The following CENPP variants were observed in gnomAD, a reference collection of about 807,000 sequenced individuals.
The protein encoded by CENPP is centromere protein P.
In CENPP, 24 loss-of-function variants were observed where a neutral mutation model predicts 35.6. The ratio of observed to expected loss-of-function variants is 0.67; its 90% confidence interval spans 0.49 to 0.95. CENPP has a LOEUF of 0.95. Among genes scored for constraint, CENPP ranks in the 40% least tolerant of loss-of-function variants. CENPP has a pLI of 0.00. For missense variants in CENPP, 332 were observed against 345.3 expected (o/e 0.96, Z 0.31); for synonymous variants, 120 against 125.5 (o/e 0.96, Z 0.29).
Position 92,613,394 on chromosome 9 carries a change from A to C in CENPP, c.*245A>C. 1 of 422,710 alleles carries C rather than the reference A, an allele frequency of 2.4e-6. No homozygotes were observed. Among genetic ancestry groups the C allele is most frequent in the South Asian group, 2.3e-5 (1 of 43,710 alleles). 26.2% of individuals were successfully genotyped at this position (422,710 alleles called of 1,614,324 possible). ...ATAAAAATAAGCTTAACATCTGAGA[A>C]AATGTACCAAGTGGTTGTGTGTCCT... On this transcript the variant is annotated 3_prime_UTR_variant, in exon 8 of 8. Coordinates refer to ENST00000375587, the MANE Select transcript of CENPP (RefSeq NM_001012267.3).
At chr9:92,599,379 T>C (rs536731505) in intron 5 of CENPP, among the ~76,000 whole-genome samples, 7 of 152,170 alleles carry the variant, frequency 4.6e-5, no homozygotes, top group East Asian at 1.9e-4. Flanking sequence ...ACGGGAGGGA[T>C]TGTGTGGTCA....
chr9:92,442,700 T>G (rs1269640478), intron 5 of CENPP, among the ~76,000 whole-genome samples: 1 of 151,458 alleles, frequency 6.6e-6, no homozygotes, highest in Non-Finnish European at 1.5e-5. Flanking sequence ...CAAAAAAAAA[T>G]TAGCCAGGCG....
chr9:92,536,780 A>G (rs1213316488), intron 5 of CENPP: 2 of 152,182 alleles, frequency 1.3e-5, no homozygotes, highest in African/African-American at 4.8e-5. Context: ...ATACCTTTCA[A>G]ATTTTTCTGA....
At chr9:92,524,382 A>T (rs986445771) in intron 5 of CENPP, among the ~76,000 whole-genome samples, 2 of 152,226 alleles carry the variant, frequency 1.3e-5, no homozygotes, top group Non-Finnish European at 2.9e-5. Flanking sequence ...TAGTAGCATT[A>T]TGGTCAGACA....
intron 5 of CENPP, among the ~76,000 whole-genome samples, chr9:92,511,194 C>T (rs575705462): frequency 2.6e-5 from 4 of 152,220 alleles, no homozygotes; most frequent in African/African-American, 9.6e-5. Flanking sequence ...GGCGCGATCT[C>T]GGCTCACTGC....
intron 5 of CENPP, among the ~76,000 whole-genome samples, chr9:92,461,704 A>T (rs1195120558): frequency 1.3e-5 from 2 of 152,140 alleles, no homozygotes; most frequent in South Asian, 2.1e-4. Flanking sequence ...TGTCATTAGG[A>T]ATTGGAAAAT....
intron 5 of CENPP, among the ~76,000 whole-genome samples, chr9:92,588,237 G>A (rs1418837168): frequency 6.6e-6 from 1 of 150,562 alleles, no homozygotes; most frequent in Non-Finnish European, 1.5e-5. Context: ...TGAGTTTTTT[G>A]TTTGTTTGTT....
chr9:92,498,993 G>A (rs889093997), intron 5 of CENPP, among the ~76,000 whole-genome samples: 19 of 152,162 alleles, frequency 1.2e-4, no homozygotes, highest in African/African-American at 3.9e-4. Context: ...AAAGGACCAC[G>A]TCTCGTTCCC....
At chr9:92,370,981 G>A (rs1249883009) in intron 4 of CENPP, among the ~76,000 whole-genome samples, 1 of 151,360 alleles carries the variant, frequency 6.6e-6, no homozygotes, top group African/African-American at 2.4e-5. Flanking sequence ...AAATTGTTTG[G>A]GTCTTCTCTT....
At chr9:92,487,284 C>G (rs1025959984) in intron 5 of CENPP, among the ~76,000 whole-genome samples, 5 of 152,166 alleles carry the variant, frequency 3.3e-5, no homozygotes, top group Non-Finnish European at 7.3e-5. Flanking sequence ...TGGCCCACAA[C>G]AGGTCTGGGC....
chr9:92,375,712 T>C (rs1403209742), intron 4 of CENPP, among the ~76,000 whole-genome samples: 1 of 152,200 alleles, frequency 6.6e-6, no homozygotes, highest in East Asian at 1.9e-4. Context: ...AAAAAATTTC[T>C]CTCTTTATTG....
At chr9:92,576,175 A>T (rs1850278081) in intron 5 of CENPP, among the ~76,000 whole-genome samples, 1 of 152,248 alleles carries the variant, frequency 6.6e-6, no homozygotes, top group Admixed American at 6.5e-5. Flanking sequence ...CAGCTTAAAA[A>T]GGAAGGAAAT....
chr9:92,458,231 GC>G (rs1342966593), intron 5 of CENPP, among the ~76,000 whole-genome samples: 2 of 152,160 alleles, frequency 1.3e-5, no homozygotes, highest in African/African-American at 4.8e-5. Context: ...CCCTTTAACA[GC>G]CCTTCTAATT....
chr9:92,326,617 C>T (rs948916447), intron 1 of CENPP, among the ~76,000 whole-genome samples: 3 of 152,152 alleles, frequency 2.0e-5, no homozygotes, highest in Non-Finnish European at 4.4e-5. Flanking sequence ...CTACTGTTAG[C>T]CCTGTTTTAT....
chr9:92,365,118 A>G (rs962098670), intron 4 of CENPP, among the ~76,000 whole-genome samples: 4 of 152,182 alleles, frequency 2.6e-5, no homozygotes, highest in African/African-American at 9.7e-5. Flanking sequence ...AACTCAAGAG[A>G]TTTATTTTCT....
intron 5 of CENPP, among the ~76,000 whole-genome samples, chr9:92,421,416 G>C (rs1352912328): frequency 6.6e-6 from 1 of 152,162 alleles, no homozygotes; most frequent in East Asian, 1.9e-4. Flanking sequence ...AACATATTTG[G>C]GCTGTGATTT....
At chr9:92,379,448 A>C (rs914849043) in intron 4 of CENPP, among the ~76,000 whole-genome samples, 5 of 152,242 alleles carry the variant, frequency 3.3e-5, no homozygotes, top group African/African-American at 1.2e-4. Flanking sequence ...TGGCACTTAC[A>C]TACTGTCTGT....
chr9:92,375,751 C>G (rs935624589), intron 4 of CENPP, among the ~76,000 whole-genome samples: 1 of 151,886 alleles, frequency 6.6e-6, no homozygotes, highest in African/African-American at 2.4e-5. Context: ...ATACTTTGTT[C>G]TCTTGATTTT....
intron 5 of CENPP, among the ~76,000 whole-genome samples, chr9:92,579,910 C>T (rs1850378524): frequency 6.7e-6 from 1 of 148,896 alleles, no homozygotes. Flanking sequence ...CCAGTTTTTG[C>T]CCATTCAGTA....
Sources: allele counts gnomAD v4.1 joint callset (sites outside exome capture counted in the v4.1 genomes callset), GRCh38; gene constraint gnomAD v4.1.1; transcripts MANE v1.5; gene names NCBI Gene and HGNC (gene_info 2026-07-23, HGNC 2026-07-21).